PHF20: variants seen among roughly 807,000 people sequenced by gnomAD.
PHF20 encodes PHD finger protein 20, also known as glioma-expressed antigen 2.
A neutral mutation model predicts 113.5 loss-of-function variants in PHF20; 23 were observed. The observed-to-expected ratio is 0.20, with a 90% CI of 0.15 to 0.29. The LOEUF is 0.29. PHF20 is among the 10% of genes least tolerant of loss of function. The probability of loss-of-function intolerance (pLI) is 1.00; values close to 1 mark genes in which losing one functional copy is unlikely to be tolerated. For synonymous variants in PHF20, 434 were observed against 457.3 expected, an observed-to-expected ratio of 0.95 and a Z score of 0.65; for missense variants, 943 against 1,219.6, an observed-to-expected ratio of 0.77 and a Z score of 3.38.
chr20:35,812,304 C>A (rs1282524731), intron 2 of PHF20, among the ~76,000 whole-genome samples: 1 of 151,834 alleles, frequency 6.6e-6, no homozygotes, highest in Non-Finnish European at 1.5e-5. Flanking sequence ...TTTTATGTCT[C>A]TTTAGTTGCT....
chr20:35,875,143 A>G (rs1475023470), intron 9 of PHF20, among the ~76,000 whole-genome samples: 2 of 151,898 alleles, frequency 1.3e-5, no homozygotes, highest in African/African-American at 2.4e-5. Flanking sequence ...CACGCCTGTA[A>G]TCCCAGCACT....
intron 2 of PHF20, among the ~76,000 whole-genome samples, chr20:35,807,046 T>C (rs911190964): frequency 4.6e-5 from 7 of 152,018 alleles, no homozygotes; most frequent in South Asian, 4.2e-4. Context: ...CTGCCCGCCT[T>C]GGCCTCCCAA....
intron 9 of PHF20, among the ~76,000 whole-genome samples, chr20:35,889,925 C>T (rs2054816965): frequency 6.6e-6 from 1 of 151,916 alleles, no homozygotes. Context: ...GACAGGGTTT[C>T]CTCATGTTGT....
At chr20:35,879,721 A>G (rs1390265962) in intron 9 of PHF20, among the ~76,000 whole-genome samples, 1 of 151,666 alleles carries the variant, frequency 6.6e-6, no homozygotes, top group African/African-American at 2.4e-5. Context: ...CAAAAAAAAA[A>G]CAAAAAAACA....
chr20:35,930,221 G>C (rs2055725557), intron 14 of PHF20, among the ~76,000 whole-genome samples: 1 of 152,170 alleles, frequency 6.6e-6, no homozygotes, highest in African/African-American at 2.4e-5. Context: ...GGGACTTGAG[G>C]CATCTTTCCA....
intron 17 of PHF20, among the ~76,000 whole-genome samples, chr20:35,945,572 A>G (rs756510530): frequency 5.9e-5 from 9 of 152,108 alleles, no homozygotes; most frequent in Non-Finnish European, 1.0e-4. Flanking sequence ...ATGAAGAGGT[A>G]CTGGGTGGGC....
At chr20:35,880,459 AGCCTGTGTTGGCAGGATT>A (rs1219140534) in intron 9 of PHF20, among the ~76,000 whole-genome samples, 1 of 152,142 alleles carries the variant, frequency 6.6e-6, no homozygotes, top group Non-Finnish European at 1.5e-5. Flanking sequence ...ATAGGGAGAT[AGCCTGTGTTGGCAGGATT>A]GCTTTCCTTC....
chr20:35,879,792 A>AT (rs1240622890), intron 9 of PHF20, among the ~76,000 whole-genome samples: 1 of 151,768 alleles, frequency 6.6e-6, no homozygotes, highest in East Asian at 1.9e-4. Flanking sequence ...CCAAAAAAAA[A>AT]AAAAAAACCC....
intron 9 of PHF20, among the ~76,000 whole-genome samples, chr20:35,877,530 A>G (rs966900881): frequency 6.0e-5 from 9 of 148,820 alleles, no homozygotes; most frequent in African/African-American, 2.2e-4. Flanking sequence ...GCTCACTGCA[A>G]CCTCCGCCTC....
At chr20:35,853,918 C>A (rs1223676820) in intron 4 of PHF20, among the ~76,000 whole-genome samples, 2 of 152,014 alleles carry the variant, frequency 1.3e-5, no homozygotes, top group Non-Finnish European at 2.9e-5. Flanking sequence ...TCATGCCCAG[C>A]TAATTTTTGT....
intron 9 of PHF20, among the ~76,000 whole-genome samples, chr20:35,875,175 A>T (rs1297244731): frequency 6.6e-6 from 1 of 152,030 alleles, no homozygotes; most frequent in Non-Finnish European, 1.5e-5. Flanking sequence ...AGGCGGGCAG[A>T]TCATTTGAGG....
rs566054747 is a variant in PHF20, at chr20:35,815,917, C to T, written c.83+14312C>T. Among the ~76,000 whole-genome samples, 6 of 152,184 alleles carry T rather than the reference C, an allele frequency of 3.9e-5. No homozygotes were observed. The East Asian group carries it at 7.7e-4, about 20-fold the overall frequency. ...CGTTTTGGAAATACATATATATTCCCCCTCCAGCTTTATTGAGATATAATT... is the reference window on the plus strand; with the variant it reads ...CGTTTTGGAAATACATATATATTCCTCCTCCAGCTTTATTGAGATATAATT... On this transcript the variant is annotated intron_variant, in intron 2 of 17. Coordinates refer to ENST00000374012, the MANE Select transcript of PHF20 (RefSeq NM_016436.5).
chr20:35,890,085 TG>T (rs2147035309), intron 9 of PHF20, among the ~76,000 whole-genome samples: 1 of 151,980 alleles, frequency 6.6e-6, no homozygotes, highest in East Asian at 1.9e-4. Flanking sequence ...TGGAGTGCAG[TG>T]GTAGGATCAT....
At chr20:35,943,570 G>A (rs888928178) in intron 17 of PHF20, among the ~76,000 whole-genome samples, 2 of 148,598 alleles carry the variant, frequency 1.3e-5, no homozygotes, top group Non-Finnish European at 3.0e-5. Flanking sequence ...TTTTACAATT[G>A]GCCATTATTT....
At chr20:35,796,086 ATGATCCGCCCGCCT>A (rs1256903894) in intron 1 of PHF20, among the ~76,000 whole-genome samples, 2 of 151,936 alleles carry the variant, frequency 1.3e-5, no homozygotes, top group African/African-American at 4.8e-5. Flanking sequence ...TCTTGACCTC[ATGATCCGCCCGCCT>A]TGGCCTCCCA....
chr20:35,838,558 A>G (rs1028473627), intron 2 of PHF20: 12 of 152,224 alleles, frequency 7.9e-5, no homozygotes, highest in African/African-American at 1.9e-4. Flanking sequence ...AAATCAATAC[A>G]TTAAAAAAAT....
intron 15 of PHF20, 133 bp from the exon 16 acceptor site, chr20:35,938,564 T>C: frequency 2.4e-6 from 2 of 824,684 alleles, no homozygotes; most frequent in Non-Finnish European, 1.9e-6. Flanking sequence ...CGCTCTTGTT[T>C]AGCAAATGGT....
At position 35,917,564 on chromosome 20, in the gene PHF20, A is replaced by C. The variant is rs775878917; in HGVS notation, c.1906A>C (p.Thr636Pro). The C allele has an allele frequency of 6.2e-7, 1 of 1,614,048 alleles. No individual in the cohort carries two copies. Among genetic ancestry groups the C allele is most frequent in the South Asian group, 1.1e-5 (1 of 91,048 alleles). The change falls in exon 13 of 18, where the codon ACC becomes CCC. Residue 636 changes from threonine to proline, a missense_variant. By Grantham distance (38) the Thr-to-Pro change is conservative. Coordinates refer to ENST00000374012, the MANE Select transcript of PHF20 (RefSeq NM_016436.5). Reference protein sequence around the residue: ...DEYGQDVDVTTNPDEELDGDD... With the variant: ...DEYGQDVDVTPNPDEELDGDD... ...GTATGGCCAAGATGTGGATGTGACCACCAACCCAGATGAGGAACTTGATGG... is the reference window on the plus strand; with the variant it reads ...GTATGGCCAAGATGTGGATGTGACCCCCAACCCAGATGAGGAACTTGATGG...
rs2056152627 is a variant in PHF20 at position 35,950,034 on chromosome 20, C to T, written c.*2407C>T. The T allele has an allele frequency of 1.3e-5, 2 of 152,430 alleles. No individual in the cohort carries two copies. The allele number at this position is 152,430 out of a possible 1,614,324, so 9.4% of individuals were successfully genotyped here. ...CGCTATTGCACTCCAGCTCGGGCGA[C>T]AACTGCAAGACTCCATCTCAAAAAA... is the stretch of plus-strand genomic sequence containing the variant. On this transcript the variant is annotated 3_prime_UTR_variant, in exon 18 of 18. Transcript: ENST00000374012.
Sources: gnomAD v4.1 joint callset for allele counts (sites outside exome capture counted in the v4.1 genomes callset) on GRCh38, gnomAD v4.1.1 for gene constraint, MANE v1.5 for transcripts, NCBI Gene and HGNC (gene_info 2026-07-23, HGNC 2026-07-21) for gene names.